Variants in CDH4 observed in about 807,000 individuals in gnomAD.
CDH4 encodes the protein cadherin-4.
In CDH4, 33 loss-of-function variants were observed where a neutral mutation model predicts 86.0. The observed-to-expected ratio is 0.38, with a 90% confidence interval of 0.29 to 0.51. CDH4 has a LOEUF of 0.51. Ranked by LOEUF, CDH4 falls within the 20% of genes least tolerant of loss-of-function variation. The pLI, the probability that CDH4 is intolerant of heterozygous loss-of-function variation, is 0.86. For synonymous variants in CDH4, 555 were observed against 549.4 expected, an observed-to-expected ratio of 1.01 and a Z score of -0.14; for missense variants, 1,114 against 1,307.4, an observed-to-expected ratio of 0.85 and a Z score of 2.28.
intron 2 of CDH4, among the ~76,000 whole-genome samples, chr20:61,305,977 C>A (rs879619080): frequency 2.0e-5 from 3 of 152,206 alleles, no homozygotes; most frequent in Non-Finnish European, 4.4e-5. Context: ...GCACCACTTC[C>A]GTTGACCTTT....
intron 2 of CDH4, among the ~76,000 whole-genome samples, chr20:61,340,293 T>C (rs1318658038): frequency 6.6e-6 from 1 of 152,120 alleles, no homozygotes; most frequent in African/African-American, 2.4e-5. Context: ...GGAGATGGTG[T>C]TAGGTGAACA....
intron 3 of CDH4, among the ~76,000 whole-genome samples, chr20:61,760,678 A>G (rs1016194877): frequency 1.3e-5 from 2 of 152,236 alleles, no homozygotes; most frequent in African/African-American, 4.8e-5. Context: ...TTCCAAATGG[A>G]CACAGTGAAG....
chr20:61,925,389 C>G (rs2055034073), intron 11 of CDH4, among the ~76,000 whole-genome samples: 1 of 152,186 alleles, frequency 6.6e-6, no homozygotes, highest in Non-Finnish European at 1.5e-5. Flanking sequence ...AAAGACGTGA[C>G]CGCTCTGTGC....
rs999581163 is a variant in CDH4 at position 61,663,659 on chromosome 20, C to G, written c.170-79904C>G. 6.6e-6 allele frequency among the ~76,000 whole-genome samples: 1 copy of G among 151,920 alleles called. No individual in the cohort carries two copies. The highest frequency in any genetic ancestry group is 2.4e-5 in the African/African-American group (1 of 41,328). ...TGGCTGCCCAGGGGAAGCGGGGACT[C>G]GAGGAGAGCAGGGAGTGCTGTCTTC... On this transcript the variant is annotated intron_variant, in intron 2 of 15. Transcript: ENST00000614565. The surrounding 1 kb of genome is among the most constrained non-coding windows in gnomAD (Gnocchi z 5.0).
In CDH4 at chr20:61,383,220, T is replaced by C. The variant is rs1259976799; in HGVS notation, c.169+128283T>C. Among the ~76,000 whole-genome samples, 3 of 105,226 alleles carry C rather than the reference T, an allele frequency of 2.9e-5. 1 individual carries two copies. The highest frequency in any genetic ancestry group is 5.9e-5 in the Non-Finnish European group (3 of 51,232). The allele number at this position is 105,226 out of a possible 152,430, so 69.0% of individuals were successfully genotyped here. A position where few individuals can be genotyped will look rare whatever the true frequency, so the allele number is the denominator to read the frequency against. ...ATATTTATATATGAATATATATGAATATATTATATATATGAATATATATGA... is the reference window on the plus strand; with the variant it reads ...ATATTTATATATGAATATATATGAACATATTATATATATGAATATATATGA... On this transcript the variant is annotated intron_variant, in intron 2 of 15. Transcript: ENST00000614565.
chr20:61,933,180 A>G (rs2055135742), intron 14 of CDH4, 56 bp downstream of exon 14: 1 of 1,584,568 alleles, frequency 6.3e-7, no homozygotes, highest in Admixed American at 1.7e-5. Context: ...CACGTGTACT[A>G]GTGTCTCAGC....
chr20:61,906,711 G>A (rs577685292), intron 8 of CDH4, among the ~76,000 whole-genome samples: 15 of 151,994 alleles, frequency 9.9e-5, no homozygotes, highest in Non-Finnish European at 1.6e-4. Flanking sequence ...GGAATGGCCC[G>A]GGGCCAGGTG....
At chr20:61,864,078 CTG>C (rs918780748) in intron 6 of CDH4, among the ~76,000 whole-genome samples, 1 of 152,248 alleles carries the variant, frequency 6.6e-6, no homozygotes, top group Non-Finnish European at 1.5e-5. Flanking sequence ...AATCCAATGA[CTG>C]TTTTCCTTCT....
intron 2 of CDH4, among the ~76,000 whole-genome samples, chr20:61,461,664 A>G (rs2085443717): frequency 6.6e-6 from 1 of 151,804 alleles, no homozygotes; most frequent in African/African-American, 2.4e-5. Context: ...CTGAACTGTT[A>G]CTCTCTGGAA....
chr20:61,636,125 T>C (rs2086944198), intron 2 of CDH4, among the ~76,000 whole-genome samples: 1 of 152,216 alleles, frequency 6.6e-6, no homozygotes, highest in South Asian at 2.1e-4. Context: ...CTCATCTCAC[T>C]TCCAATACAG....
At chr20:61,815,984 C>T (rs893576063) in intron 4 of CDH4, among the ~76,000 whole-genome samples, 4 of 152,170 alleles carry the variant, frequency 2.6e-5, no homozygotes, top group African/African-American at 4.8e-5. Context: ...CACTTGGCCT[C>T]GGCACCAAGG....
chr20:61,432,372 A>C (rs2085252217), intron 2 of CDH4, among the ~76,000 whole-genome samples: 1 of 152,000 alleles, frequency 6.6e-6, no homozygotes. Context: ...TTTAATTTTC[A>C]CTTCCCTGGA....
At chr20:61,355,526 T>A (rs1313843256) in intron 2 of CDH4, among the ~76,000 whole-genome samples, 1 of 152,136 alleles carries the variant, frequency 6.6e-6, no homozygotes, top group Non-Finnish European at 1.5e-5. Context: ...CCAAAGTCCA[T>A]CCCAAGCTCC....
chr20:61,792,198 G>A (rs1166211021), intron 4 of CDH4, among the ~76,000 whole-genome samples: 1 of 152,146 alleles, frequency 6.6e-6, no homozygotes, highest in East Asian at 1.9e-4. Context: ...GGACCCAGAG[G>A]ACTTAGGGAG....
intron 2 of CDH4, among the ~76,000 whole-genome samples, chr20:61,457,193 A>G (rs745816795): frequency 1.3e-5 from 2 of 152,142 alleles, no homozygotes; most frequent in Admixed American, 6.5e-5. Context: ...GGAGCGGACA[A>G]GGTCATGGTG....
intron 2 of CDH4, among the ~76,000 whole-genome samples, chr20:61,367,866 T>C (rs950786195): frequency 5.5e-5 from 7 of 127,960 alleles, no homozygotes; most frequent in East Asian, 2.5e-4. Context: ...TTCTCCAGGA[T>C]CTTTTTTTTT....
chr20:61,491,087 A>G (rs752710947), intron 2 of CDH4, among the ~76,000 whole-genome samples: 5 of 152,238 alleles, frequency 3.3e-5, no homozygotes, highest in Non-Finnish European at 5.9e-5. Flanking sequence ...CTCCATTGCA[A>G]TACAACATTT....
intron 2 of CDH4, among the ~76,000 whole-genome samples, chr20:61,597,991 T>C (rs182633851): frequency 1.2e-4 from 19 of 152,326 alleles, no homozygotes; most frequent in Non-Finnish European, 2.2e-4. Flanking sequence ...AATTAGAATA[T>C]GTTTTCCTAA....
intron 2 of CDH4, chr20:61,738,490 G>A (rs2088292710): frequency 6.6e-6 from 1 of 151,914 alleles, no homozygotes; most frequent in Non-Finnish European, 1.5e-5. Context: ...GTGTCCCTAG[G>A]GCCCAAGGCA....
Sources: allele counts gnomAD v4.1 joint callset (sites outside exome capture counted in the v4.1 genomes callset), GRCh38; gene constraint gnomAD v4.1.1; non-coding constraint Gnocchi (gnomAD v3.1); transcripts MANE v1.5; gene names NCBI Gene and HGNC (gene_info 2026-07-23, HGNC 2026-07-21).